The following RIMS2 variants were observed in gnomAD, a reference collection of about 807,000 sequenced individuals.
The protein encoded by RIMS2 is regulating synaptic membrane exocytosis protein 2.
Under a neutral mutation model 174.4 loss-of-function variants are expected in RIMS2, and 59 were observed. That is an observed-to-expected ratio of 0.34 (90% CI 0.27 to 0.42). The LOEUF is 0.42. Ranked by LOEUF, RIMS2 falls within the 10% of genes least tolerant of loss-of-function variation. The pLI is 1.00. For synonymous variants in RIMS2, 606 were observed against 572.5 expected (o/e 1.06, Z -0.84); for missense variants, 1,620 against 1,666.3 (o/e 0.97, Z 0.48).
intron 12 of RIMS2, among the ~76,000 whole-genome samples, chr8:103,935,911 C>T (rs546228027): frequency 7.9e-5 from 12 of 152,060 alleles, no homozygotes; most frequent in Non-Finnish European, 1.6e-4. Context: ...ACATGAAAAC[C>T]TCTGAGCTGG....
At chr8:103,953,929 C>CAA (rs761846542) in intron 14 of RIMS2, among the ~76,000 whole-genome samples, 1 of 147,762 alleles carries the variant, frequency 6.8e-6, no homozygotes, top group Non-Finnish European at 1.5e-5. Context: ...AGATGGAAAG[C>CAA]AAAAAAAAAG....
In RIMS2 at chr8:103,840,894, A is replaced by T. The variant is rs2098935736; in HGVS notation, c.699-44404A>T. The stretch of plus-strand genomic sequence containing the variant: ...TATAATTATAGCATAAGTGTATTTT[A>T]AGTGAACTTACTCGTATCAGAAATT... On this transcript the variant is annotated intron_variant, in intron 3 of 23. Coordinates refer to ENST00000504942, the Ensembl canonical transcript of RIMS2. 4.6e-5 allele frequency among the ~76,000 whole-genome samples: 7 copies of T among 152,344 alleles called. 1 individual carries two copies. In the South Asian group the frequency reaches 1.5e-3, roughly 32 times the overall value.
intron 2 of RIMS2, among the ~76,000 whole-genome samples, chr8:103,739,381 G>T (rs1204026522): frequency 6.6e-6 from 1 of 152,140 alleles, no homozygotes; most frequent in South Asian, 2.1e-4. Context: ...GCCTGTCGTA[G>T]GGTAGAGGGA....
rs138224771 is a variant in RIMS2 at position 104,036,254 on chromosome 8, C to T, written c.3334+21639C>T. Among the ~76,000 whole-genome samples the T allele has an allele frequency of 4.3e-3, 650 of 151,852 alleles. 4 individuals are homozygous for T. The highest frequency in any genetic ancestry group is 7.2e-3 in the Non-Finnish European group (491 of 67,950). On this transcript the variant is annotated intron_variant, in intron 19 of 23. Transcript: ENST00000504942. The stretch of plus-strand genomic sequence containing the variant: ...CAAGCTCCGCCTCCTGGGTTCACCC[C>T]ATTCTCCTGCCTCAGCCTCCCATGT...
At chr8:104,146,487 T>C (rs1036634403) in intron 19 of RIMS2, among the ~76,000 whole-genome samples, 1 of 152,214 alleles carries the variant, frequency 6.6e-6, no homozygotes, top group Non-Finnish European at 1.5e-5. Context: ...CTCATTAAAA[T>C]ATTGTTTATC....
At chr8:103,752,861 A>G (rs1439187806) in intron 2 of RIMS2, among the ~76,000 whole-genome samples, 6 of 152,280 alleles carry the variant, frequency 3.9e-5, no homozygotes, top group Admixed American at 6.5e-5. Flanking sequence ...TTCTATATAT[A>G]CAATCATGTC....
intron 3 of RIMS2, among the ~76,000 whole-genome samples, chr8:103,872,725 T>C (rs879818711): frequency 2.6e-5 from 4 of 152,200 alleles, no homozygotes; most frequent in Non-Finnish European, 5.9e-5. Flanking sequence ...CCTATTGGGC[T>C]TATGTCTTTT....
intron 19 of RIMS2, among the ~76,000 whole-genome samples, chr8:104,042,457 A>G (rs2096625500): frequency 6.6e-6 from 1 of 151,656 alleles, no homozygotes; most frequent in African/African-American, 2.4e-5. Context: ...AAGATCATAT[A>G]TGGGAATAGT....
At chr8:103,743,664 T>C (rs545498076) in intron 2 of RIMS2, among the ~76,000 whole-genome samples, 9 of 152,250 alleles carry the variant, frequency 5.9e-5, no homozygotes, top group African/African-American at 1.9e-4. Context: ...TGAGAAAACC[T>C]GGTTTTATTT....
chr8:103,761,583 C>T (rs1376236593), intron 2 of RIMS2, among the ~76,000 whole-genome samples: 5 of 152,138 alleles, frequency 3.3e-5, no homozygotes, highest in African/African-American at 1.2e-4. Flanking sequence ...ATGAAAGTGG[C>T]ACACCCATTC....
chr8:104,191,319 C>T (rs2098996802), intron 19 of RIMS2, among the ~76,000 whole-genome samples: 1 of 152,054 alleles, frequency 6.6e-6, no homozygotes, highest in African/African-American at 2.4e-5. Context: ...TTTAAATTCC[C>T]ATGTTTATGA....
intron 17 of RIMS2, among the ~76,000 whole-genome samples, chr8:103,996,190 A>G (rs977140680): frequency 6.6e-6 from 1 of 151,944 alleles, no homozygotes; most frequent in African/African-American, 2.4e-5. Context: ...CCAAATGGAT[A>G]GAGATCTAGG....
chr8:104,128,397 A>C (rs1350094391), intron 19 of RIMS2, among the ~76,000 whole-genome samples: 2 of 152,212 alleles, frequency 1.3e-5, no homozygotes, highest in South Asian at 2.1e-4. Flanking sequence ...ATTAAGATAC[A>C]TAAAAATAAT....
At chr8:103,501,836 C>T (rs1820209296) in intron 1 of RIMS2, among the ~76,000 whole-genome samples, 1 of 152,206 alleles carries the variant, frequency 6.6e-6, no homozygotes, top group Non-Finnish European at 1.5e-5. Flanking sequence ...TCTTGGCAGG[C>T]CGGGTTTTTC....
chr8:103,794,025 T>G (rs1426210702), intron 3 of RIMS2, among the ~76,000 whole-genome samples: 2 of 152,106 alleles, frequency 1.3e-5, no homozygotes, highest in Non-Finnish European at 2.9e-5. Flanking sequence ...ATTTATAGAT[T>G]CAATGCCATC....
At chr8:104,011,534 A>T (rs1414716833) in intron 17 of RIMS2, among the ~76,000 whole-genome samples, 1 of 152,084 alleles carries the variant, frequency 6.6e-6, no homozygotes, top group Non-Finnish European at 1.5e-5. Context: ...ATAGCAACAC[A>T]TTTAAAATAA....
At chr8:103,683,725 G>A (rs924303092) in intron 1 of RIMS2, among the ~76,000 whole-genome samples, 3 of 152,152 alleles carry the variant, frequency 2.0e-5, no homozygotes, top group Non-Finnish European at 4.4e-5. Flanking sequence ...GTACAAATAT[G>A]TGTCAAATTT....
At chr8:104,108,279 G>A (rs2098115372) in intron 19 of RIMS2, among the ~76,000 whole-genome samples, 1 of 151,512 alleles carries the variant, frequency 6.6e-6, no homozygotes, top group Non-Finnish European at 1.5e-5. Context: ...TATCATCCAG[G>A]CTGTATCATA....
At chr8:103,686,960 G>A (rs2096948546) in intron 1 of RIMS2, among the ~76,000 whole-genome samples, 1 of 151,992 alleles carries the variant, frequency 6.6e-6, no homozygotes, top group South Asian at 2.1e-4. Context: ...AGTAATACTG[G>A]CATTAAGAGA....
Sources: allele counts gnomAD v4.1 joint callset (sites outside exome capture counted in the v4.1 genomes callset), GRCh38; gene constraint gnomAD v4.1.1; transcripts MANE v1.5; gene names NCBI Gene and HGNC (gene_info 2026-07-23, HGNC 2026-07-21).